The following MMP26 variants were observed in gnomAD, a reference collection of about 807,000 sequenced individuals.
The protein encoded by MMP26 is matrix metalloproteinase-26.
MMP26 carries 33 observed loss-of-function variants against 31.0 expected under a neutral mutation model. That is an observed-to-expected ratio of 1.06 (90% CI 0.81 to 1.42). The LOEUF (loss-of-function observed/expected upper bound fraction) is 1.42, where lower values mean the gene tolerates loss of function less well. Among genes scored for constraint, MMP26 ranks in the 40% most tolerant of loss-of-function variants. MMP26 has a pLI of 0.00. For missense variants in MMP26, 347 were observed against 316.1 expected, an observed-to-expected ratio of 1.10 and a Z score of -0.74; for synonymous variants, 122 against 114.9, an observed-to-expected ratio of 1.06 and a Z score of -0.40.
At chr11:4,892,030 T>C (rs1319680033) in intron 2 of MMP26, among the ~76,000 whole-genome samples, 2 of 152,034 alleles carry the variant, frequency 1.3e-5, no homozygotes, top group African/African-American at 4.8e-5. Flanking sequence ...CTGCAAGACA[T>C]ATAAAGCATA....
intron 1 of MMP26, among the ~76,000 whole-genome samples, chr11:4,705,996 G>T (rs1486353301): frequency 6.6e-6 from 1 of 150,510 alleles, no homozygotes; most frequent in African/African-American, 2.4e-5. Flanking sequence ...GTGGTGGGGG[G>T]AGCTGTTCTT....
intron 2 of MMP26, among the ~76,000 whole-genome samples, chr11:4,786,153 A>G (rs1368827): frequency 0.15 from 22,176 of 152,108 alleles, 2,036 homozygotes; most frequent in African/African-American, 0.26. Flanking sequence ...AGGACCCTGG[A>G]GTAGGTAAGG....
At chr11:4,979,982 A>G (rs1168262668) in intron 2 of MMP26, among the ~76,000 whole-genome samples, 1 of 152,102 alleles carries the variant, frequency 6.6e-6, no homozygotes, top group Non-Finnish European at 1.5e-5. Context: ...TAATGTATTA[A>G]GAGTTCAATA....
chr11:4,757,391 C>T (rs1288623623), intron 1 of MMP26, among the ~76,000 whole-genome samples: 1 of 151,728 alleles, frequency 6.6e-6, no homozygotes, highest in Non-Finnish European at 1.5e-5. Flanking sequence ...GAAAAAAAAT[C>T]GGAGAAGATT....
intron 2 of MMP26, among the ~76,000 whole-genome samples, chr11:4,894,170 A>G (rs1006729745): frequency 1.3e-5 from 2 of 152,122 alleles, no homozygotes; most frequent in African/African-American, 4.8e-5. Context: ...CAGAAAAATC[A>G]GAGAGATAGG....
intron 2 of MMP26, among the ~76,000 whole-genome samples, chr11:4,812,081 G>T (rs1192243412): frequency 6.6e-6 from 1 of 152,110 alleles, no homozygotes; most frequent in Admixed American, 6.6e-5. Context: ...TTATAGTCAC[G>T]CCAATCTGCA....
chr11:4,834,736 G>A (rs1849692838), intron 2 of MMP26, among the ~76,000 whole-genome samples: 1 of 152,040 alleles, frequency 6.6e-6, no homozygotes, highest in Non-Finnish European at 1.5e-5. Flanking sequence ...TACTTCCTAT[G>A]TATTATGATA....
At chr11:4,884,035 C>T (rs1248166151) in intron 2 of MMP26, among the ~76,000 whole-genome samples, 1 of 152,122 alleles carries the variant, frequency 6.6e-6, no homozygotes, top group Non-Finnish European at 1.5e-5. Context: ...TTCTTTCAAG[C>T]TATGTTGTTC....
At chr11:4,762,000 G>A (rs895490491) in intron 1 of MMP26, among the ~76,000 whole-genome samples, 5 of 151,820 alleles carry the variant, frequency 3.3e-5, no homozygotes, top group African/African-American at 1.2e-4. Flanking sequence ...AAAAAAAAAA[G>A]ACCTGGCTTT....
chr11:4,792,849 G>A (rs1055185704), intron 2 of MMP26, among the ~76,000 whole-genome samples: 6 of 152,102 alleles, frequency 3.9e-5, no homozygotes, highest in East Asian at 1.9e-4. Flanking sequence ...TTGTGTATTC[G>A]TTGTATCAGA....
intron 1 of MMP26, among the ~76,000 whole-genome samples, chr11:4,746,519 C>T (rs1848381525): frequency 6.6e-6 from 1 of 152,102 alleles, no homozygotes; most frequent in Admixed American, 6.6e-5. Flanking sequence ...GCGCTAAATA[C>T]ATGCTGTTGT....
intron 2 of MMP26, among the ~76,000 whole-genome samples, chr11:4,935,789 G>A (rs1402772850): frequency 6.6e-6 from 1 of 151,438 alleles, no homozygotes; most frequent in African/African-American, 2.4e-5. Context: ...AGCATGAAGA[G>A]TTGTTGAATT....
chr11:4,855,298 A>G lies in MMP26; in HGVS notation c.-145+87957A>G, dbSNP rs149448870. ...GAGCTAAAGGAGGATGTTTGAACCC[A>G]TTGCAAAGAAGCTGAAAACCTTGAA... On this transcript the variant is annotated intron_variant, in intron 2 of 7. Transcript: ENST00000380390. Among the ~76,000 whole-genome samples the G allele has an allele frequency of 2.6e-3, 403 of 152,308 alleles. 3 individuals are homozygous for G. The highest frequency in any genetic ancestry group is 0.021 in the East Asian group (108 of 5,174).
intron 2 of MMP26, among the ~76,000 whole-genome samples, chr11:4,796,161 C>T (rs544508975): frequency 3.3e-5 from 5 of 152,300 alleles, no homozygotes; most frequent in South Asian, 2.1e-4. Context: ...TCTACAGCAT[C>T]GCTTGTCTCA....
At chr11:4,975,406 C>G (rs1024163953) in intron 2 of MMP26, among the ~76,000 whole-genome samples, 1 of 151,964 alleles carries the variant, frequency 6.6e-6, no homozygotes, top group African/African-American at 2.4e-5. Flanking sequence ...CTCCAACTCC[C>G]AAGTCTTGCT....
chr11:4,865,872 C>G (rs1018598175), intron 2 of MMP26, among the ~76,000 whole-genome samples: 1 of 152,042 alleles, frequency 6.6e-6, no homozygotes, highest in Non-Finnish European at 1.5e-5. Flanking sequence ...ACAGGGAGAA[C>G]CTGGAAATTA....
chr11:4,846,507 C>A (rs76324796), intron 2 of MMP26, among the ~76,000 whole-genome samples: 7,059 of 152,006 alleles, frequency 0.046, 541 homozygotes, highest in African/African-American at 0.16. Context: ...TAGAGTGACT[C>A]TAGTCAATAA....
In MMP26 at chr11:4,840,848, G is replaced by A. The variant is rs574802062; in HGVS notation, c.-145+73507G>A. ...CAGGGACCAATCCTGGAGAAACAGA[G>A]ATATGTGACCTTTCAGATAGAATTC... is the stretch of plus-strand genomic sequence containing the variant. On this transcript the variant is annotated intron_variant, in intron 2 of 7. Coordinates refer to ENST00000380390, the MANE Select transcript of MMP26 (RefSeq NM_021801.5). Among the ~76,000 whole-genome samples, 8 of 152,322 alleles carry A rather than the reference G, an allele frequency of 5.3e-5. No homozygotes were observed. In the East Asian group the frequency reaches 1.4e-3, roughly 26 times the overall value.
intron 2 of MMP26, chr11:4,955,248 G>A (rs1225885099): frequency 2.4e-6 from 3 of 1,271,294 alleles, no homozygotes; most frequent in East Asian, 2.7e-5. Flanking sequence ...AGAACCAGGA[G>A]CATGCTCTTA....
Sources: allele counts gnomAD v4.1 joint callset (sites outside exome capture counted in the v4.1 genomes callset), GRCh38; gene constraint gnomAD v4.1.1; transcripts MANE v1.5; gene names NCBI Gene and HGNC (gene_info 2026-07-23, HGNC 2026-07-21).